YY1: variants seen among roughly 807,000 people sequenced by gnomAD.
YY1 encodes the protein transcriptional repressor protein YY1.
A neutral mutation model predicts 35.6 loss-of-function variants in YY1; 2 were observed. The observed-to-expected ratio is 0.06, with a 90% CI of 0.02 to 0.18. YY1 has a LOEUF of 0.18. YY1 is among the 10% of genes least tolerant of loss of function. The pLI, the probability that YY1 is intolerant of heterozygous loss-of-function variation, is 1.00. For synonymous variants in YY1, 268 were observed against 238.9 expected, an observed-to-expected ratio of 1.12 and a Z score of -1.12; for missense variants, 322 against 573.4, an observed-to-expected ratio of 0.56 and a Z score of 4.48.
intron 1 of YY1, among the ~76,000 whole-genome samples, chr14:100,240,642 C>T (rs533664937): frequency 3.3e-5 from 5 of 152,244 alleles, no homozygotes; most frequent in Non-Finnish European, 5.9e-5. Context: ...TGGGGCTGCA[C>T]GTAGGGCTCG....
intron 1 of YY1, among the ~76,000 whole-genome samples, chr14:100,258,870 T>G (rs541723775): frequency 6.6e-6 from 1 of 152,386 alleles, no homozygotes; most frequent in East Asian, 1.9e-4. Context: ...TGATTGAACT[T>G]GATAATGACC....
At chr14:100,255,688 G>C (rs540465560) in intron 1 of YY1, among the ~76,000 whole-genome samples, 1 of 152,240 alleles carries the variant, frequency 6.6e-6, no homozygotes, top group Non-Finnish European at 1.5e-5. Context: ...TTTTCAGCCA[G>C]TTTTATTATG....
chr14:100,280,328 T>C lies in YY1; in HGVS notation c.*2728T>C, dbSNP rs1891397485. 1 of 152,232 alleles carries C rather than the reference T, an allele frequency of 6.6e-6. No individual in the cohort carries two copies. Among genetic ancestry groups the C allele is most frequent in the Admixed American group, 6.5e-5 (1 of 15,286 alleles). 9.4% of individuals were successfully genotyped at this position (152,232 alleles called of 1,614,324 possible). On this transcript the variant is annotated 3_prime_UTR_variant, in exon 5 of 5. Coordinates refer to ENST00000262238, the MANE Select transcript of YY1 (RefSeq NM_003403.5). ...ACTGATAGACATATTTTCGTACATC[T>C]GAGCAGAAATAAATGCATGTTTCTA...
At chr14:100,250,820 A>AT (rs1890913292) in intron 1 of YY1, among the ~76,000 whole-genome samples, 1 of 149,624 alleles carries the variant, frequency 6.7e-6, no homozygotes, top group South Asian at 2.1e-4. Flanking sequence ...ACATAGTGAG[A>AT]CCTTGTCTCC....
chr14:100,242,979 G>GTAGT (rs1595312043), intron 1 of YY1, among the ~76,000 whole-genome samples: 1 of 152,256 alleles, frequency 6.6e-6, no homozygotes, highest in East Asian at 1.9e-4. Context: ...GTGCATAAGG[G>GTAGT]TAGTTATAAA....
intron 1 of YY1, 40 bp downstream of exon 1, chr14:100,239,963 G>C (rs1890703106): frequency 6.6e-7 from 1 of 1,505,326 alleles, no homozygotes; most frequent in South Asian, 1.2e-5. Flanking sequence ...GGATGTTTTT[G>C]TTTTGAAGGG....
At chr14:100,240,515 G>A (rs375872101) in intron 1 of YY1, among the ~76,000 whole-genome samples, 10 of 106,508 alleles carry the variant, frequency 9.4e-5, no homozygotes, top group African/African-American at 2.9e-4. Flanking sequence ...AGAAGGAGGG[G>A]GCTTGGCACT....
At chr14:100,251,502 A>G (rs1001595021) in intron 1 of YY1, among the ~76,000 whole-genome samples, 3 of 152,238 alleles carry the variant, frequency 2.0e-5, no homozygotes, top group African/African-American at 7.2e-5. Context: ...AGTTTGTTAC[A>G]GTGGTAATAG....
At chr14:100,246,865 C>G (rs1314013900) in intron 1 of YY1, among the ~76,000 whole-genome samples, 1 of 152,186 alleles carries the variant, frequency 6.6e-6, no homozygotes, top group Non-Finnish European at 1.5e-5. Context: ...CACTTCACCC[C>G]CATGACCTAC....
intron 1 of YY1, among the ~76,000 whole-genome samples, chr14:100,255,001 G>A (rs1890984299): frequency 1.1e-5 from 1 of 94,174 alleles, no homozygotes; most frequent in African/African-American, 4.2e-5. Context: ...ATTTCACTAT[G>A]TTGGCCAGGC....
In YY1 at chr14:100,277,477, G is replaced by C. The variant is rs373750054; in HGVS notation, c.1122G>C (p.Val374=). The C allele has an allele frequency of 6.2e-7, 1 of 1,614,090 alleles. No homozygotes were observed. Among genetic ancestry groups the C allele is most frequent in the African/African-American group, 1.3e-5 (1 of 74,934 alleles). Residue 374 remains valine, a synonymous_variant, in exon 5 of 5, where the codon GTG becomes GTC. Transcript: ENST00000262238. The surrounding 1 kb of genome is among the most constrained non-coding windows in gnomAD (Gnocchi z 5.6). ...TGGACTTCAATTTGCGCACACATGT[G>C]CGAATCCATACCGGAGACAGGCCCT... The part of the protein sequence containing the change: ...FSLDFNLRTH[V]RIHTGDRPYV...
chr14:100,282,169 C>T lies in YY1; in HGVS notation c.*4569C>T, dbSNP rs1891445082. 1 of 152,190 alleles carries T rather than the reference C, an allele frequency of 6.6e-6. No individual in the cohort carries two copies. The highest frequency in any genetic ancestry group is 1.5e-5 in the Non-Finnish European group (1 of 68,042). The allele number at this position is 152,190 out of a possible 1,614,324, so 9.4% of individuals were successfully genotyped here. A position where few individuals can be genotyped will look rare whatever the true frequency, so the allele number is the denominator to read the frequency against. On this transcript the variant is annotated 3_prime_UTR_variant, in exon 5 of 5. Coordinates refer to ENST00000262238, the MANE Select transcript of YY1 (RefSeq NM_003403.5). The stretch of plus-strand genomic sequence containing the variant: ...AGGCACCCAGCCCCATGTCCCCCGC[C>T]AGCATTCTGGATGTCAGAGGAGGGT...
rs1476439641 is a variant in YY1 at position 100,239,605 on chromosome 14, C to T, written c.361C>T (p.Leu121=). The stretch of plus-strand genomic sequence containing the variant: ...GGTGGGCGGCGACGACTCGGACGGG[C>T]TGCGCGCCGAGGACGGCTTCGAGGA... The part of the protein sequence containing the change: ...EVVGGDDSDG[L]RAEDGFEDQI... The change falls in exon 1 of 5, where the codon CTG becomes TTG. Residue 121 remains leucine, a synonymous_variant. Coordinates refer to ENST00000262238, the MANE Select transcript of YY1 (RefSeq NM_003403.5). The T allele has an allele frequency of 6.2e-7, 1 of 1,612,146 alleles. No individual in the cohort carries two copies. The highest frequency in any genetic ancestry group is 8.5e-7 in the Non-Finnish European group (1 of 1,179,620).
At chr14:100,256,083 G>A (rs1237635721) in intron 1 of YY1, among the ~76,000 whole-genome samples, 1 of 151,584 alleles carries the variant, frequency 6.6e-6, no homozygotes, top group African/African-American at 2.4e-5. Flanking sequence ...GCTGCAATGA[G>A]CTATGATCAT....
chr14:100,239,751 C>T lies in YY1; in HGVS notation c.507C>T (p.Gly169=). Residue 169 remains glycine (G), a synonymous_variant, in exon 1 of 5, where the codon GGC becomes GGT. Transcript: ENST00000262238. ...SGGGGSSSSG[G]GRVKKGGGKK... ...GCGGCGGCTCGTCGTCGTCGGGAGGCGGCCGCGTCAAGAAGGGCGGCGGCA... is the reference window on the plus strand; with the variant it reads ...GCGGCGGCTCGTCGTCGTCGGGAGGTGGCCGCGTCAAGAAGGGCGGCGGCA... 1 of 1,582,344 alleles carries T rather than the reference C, an allele frequency of 6.3e-7. No individual in the cohort carries two copies. The highest frequency in any genetic ancestry group is 1.1e-5 in the South Asian group (1 of 89,194).
chr14:100,248,262 C>A (rs1890865806), intron 1 of YY1, among the ~76,000 whole-genome samples: 1 of 151,234 alleles, frequency 6.6e-6, no homozygotes, highest in African/African-American at 2.4e-5. Context: ...ACTACAGGCG[C>A]CCACCACCAC....
rs1012335612 is a variant in YY1 at position 100,280,748 on chromosome 14, G to A, written c.*3148G>A. 6.6e-6 allele frequency: 1 copy of A among 152,136 alleles called. No individual in the cohort carries two copies. Among genetic ancestry groups the A allele is most frequent in the Non-Finnish European group, 1.5e-5 (1 of 68,042 alleles). The allele number at this position is 152,136 out of a possible 1,614,324, so 9.4% of individuals were successfully genotyped here. On this transcript the variant is annotated 3_prime_UTR_variant, in exon 5 of 5. Coordinates refer to ENST00000262238, the MANE Select transcript of YY1 (RefSeq NM_003403.5). The stretch of plus-strand genomic sequence containing the variant: ...CAAGTTCATGTCTTCACAAGTAGAT[G>A]AGAGTCACTTCCAGTCGGGGGAAGC...
chr14:100,242,428 G>T (rs1329412878), intron 1 of YY1, among the ~76,000 whole-genome samples: 1 of 127,276 alleles, frequency 7.9e-6, no homozygotes, highest in Non-Finnish European at 1.6e-5. Context: ...TCGCTCTGTC[G>T]CCCAGGCTGG....
At chr14:100,243,632 A>C (rs1303867258) in intron 1 of YY1, among the ~76,000 whole-genome samples, 1 of 151,950 alleles carries the variant, frequency 6.6e-6, no homozygotes, top group Non-Finnish European at 1.5e-5. Context: ...GTCTCTGCAA[A>C]AAAACAAAAA....
Sources: gnomAD v4.1 joint callset for allele counts (sites outside exome capture counted in the v4.1 genomes callset) on GRCh38, gnomAD v4.1.1 for gene constraint, Gnocchi (gnomAD v3.1) non-coding constraint, MANE v1.5 for transcripts, NCBI Gene and HGNC (gene_info 2026-07-23, HGNC 2026-07-21) for gene names.